The following MDGA2 variants were observed in gnomAD, a reference collection of about 807,000 sequenced individuals.
The protein encoded by MDGA2 is MAM domain-containing glycosylphosphatidylinositol anchor protein 2.
A neutral mutation model predicts 117.8 loss-of-function variants in MDGA2; 40 were observed. The observed-to-expected ratio is 0.34, with a 90% CI of 0.26 to 0.44. The LOEUF (loss-of-function observed/expected upper bound fraction) is 0.44. Ranked by LOEUF, MDGA2 falls within the 20% of genes least tolerant of loss-of-function variation. The pLI, the probability that MDGA2 is intolerant of heterozygous loss-of-function variation, is 1.00. For synonymous variants in MDGA2, 452 were observed against 439.0 expected, an observed-to-expected ratio of 1.03 and a Z score of -0.37; for missense variants, 1,123 against 1,250.6, an observed-to-expected ratio of 0.90 and a Z score of 1.54.
chr14:47,533,531 GTCTCTTTC>G (rs1895144920), intron 1 of MDGA2, among the ~76,000 whole-genome samples: 1 of 152,176 alleles, frequency 6.6e-6, no homozygotes, highest in Non-Finnish European at 1.5e-5. Flanking sequence ...AGGAGATGAT[GTCTCTTTC>G]CACACGTATT....
intron 14 of MDGA2, among the ~76,000 whole-genome samples, chr14:46,867,058 C>A (rs1168681597): frequency 1.3e-5 from 2 of 152,050 alleles, no homozygotes; most frequent in African/African-American, 4.8e-5. Context: ...ACTCAAAGGA[C>A]TATAAATCAT....
At chr14:47,558,473 G>A (rs572479112) in intron 1 of MDGA2, among the ~76,000 whole-genome samples, 2 of 152,270 alleles carry the variant, frequency 1.3e-5, no homozygotes, top group East Asian at 3.9e-4. Flanking sequence ...CTCAACAAAT[G>A]AAGAACAACA....
chr14:47,046,980 G>A (rs1239920684), intron 7 of MDGA2, among the ~76,000 whole-genome samples: 1 of 152,104 alleles, frequency 6.6e-6, no homozygotes, highest in Non-Finnish European at 1.5e-5. Flanking sequence ...TGTACCCAAT[G>A]TTAGAGATAA....
chr14:46,908,553 G>A (rs1036559730), intron 10 of MDGA2, among the ~76,000 whole-genome samples: 8 of 152,168 alleles, frequency 5.3e-5, no homozygotes, highest in African/African-American at 1.4e-4. Context: ...GTTCTTATTC[G>A]TCAAGAGTTT....
intron 2 of MDGA2, among the ~76,000 whole-genome samples, chr14:47,289,822 C>A (rs966023207): frequency 1.3e-5 from 2 of 151,978 alleles, no homozygotes; most frequent in African/African-American, 4.8e-5. Flanking sequence ...CATTAAAATA[C>A]ATAGATTTCA....
intron 1 of MDGA2, among the ~76,000 whole-genome samples, chr14:47,605,012 G>C (rs1047859007): frequency 9.9e-5 from 15 of 152,120 alleles, no homozygotes; most frequent in Middle Eastern, 3.4e-3. Context: ...TGGTTGGGGG[G>C]GGTGTATGCT....
intron 5 of MDGA2, among the ~76,000 whole-genome samples, chr14:47,119,132 G>T (rs1387908531): frequency 8.3e-6 from 1 of 121,122 alleles, no homozygotes; most frequent in Non-Finnish European, 1.6e-5. Context: ...CTCACCGCAA[G>T]CTCCGCCTCC....
chr14:46,955,996 A>G (rs764251966), intron 9 of MDGA2, among the ~76,000 whole-genome samples: 2 of 152,054 alleles, frequency 1.3e-5, no homozygotes, highest in Non-Finnish European at 2.9e-5. Flanking sequence ...TGTTTTAGTA[A>G]ATGAACTAAT....
intron 3 of MDGA2, among the ~76,000 whole-genome samples, chr14:47,191,167 T>C (rs1478211271): frequency 1.3e-5 from 2 of 151,960 alleles, no homozygotes; most frequent in East Asian, 3.9e-4. Context: ...TACACAAGTA[T>C]GTGTCTATTT....
intron 3 of MDGA2, among the ~76,000 whole-genome samples, chr14:47,150,298 CTGTT>C (rs1883111527): frequency 6.6e-6 from 1 of 152,196 alleles, no homozygotes; most frequent in African/African-American, 2.4e-5. Flanking sequence ...TCTTGAAATT[CTGTT>C]ATACTTTTAA....
intron 1 of MDGA2, among the ~76,000 whole-genome samples, chr14:47,461,382 C>T (rs1443243132): frequency 6.6e-6 from 1 of 151,516 alleles, no homozygotes; most frequent in Non-Finnish European, 1.5e-5. Context: ...AAACTTGTTA[C>T]TCAAAATAGA....
At chr14:46,912,754 G>T (rs1883754212) in intron 10 of MDGA2, among the ~76,000 whole-genome samples, 3 of 152,064 alleles carry the variant, frequency 2.0e-5, no homozygotes, top group Admixed American at 2.0e-4. Flanking sequence ...CCAAGACAAG[G>T]TACCCTTATT....
chr14:47,561,163 G>T (rs2416092), intron 1 of MDGA2, among the ~76,000 whole-genome samples: 48,951 of 79,508 alleles, frequency 0.62, 15,298 homozygotes, highest in East Asian at 0.94. Flanking sequence ...GTTTTGTTTT[G>T]TTTTTTTGTT....
chr14:47,599,718 A>T (rs1214911725), intron 1 of MDGA2, among the ~76,000 whole-genome samples: 2 of 152,162 alleles, frequency 1.3e-5, no homozygotes, highest in Non-Finnish European at 2.9e-5. Context: ...AATAAGGACA[A>T]GAGCATGTAA....
intron 1 of MDGA2, among the ~76,000 whole-genome samples, chr14:47,534,442 T>C (rs1316780343): frequency 6.6e-6 from 1 of 152,174 alleles, no homozygotes. Flanking sequence ...CTCACAGTTC[T>C]GGATGGCTGA....
intron 8 of MDGA2, among the ~76,000 whole-genome samples, chr14:47,033,219 A>C (rs1169360159): frequency 6.6e-6 from 1 of 152,206 alleles, no homozygotes; most frequent in Non-Finnish European, 1.5e-5. Flanking sequence ...AAATTTAGTT[A>C]ATCAATAGAA....
At chr14:47,343,929 A>G (rs1367251899) in intron 1 of MDGA2, among the ~76,000 whole-genome samples, 1 of 152,168 alleles carries the variant, frequency 6.6e-6, no homozygotes, top group Non-Finnish European at 1.5e-5. Flanking sequence ...CAACAACGGA[A>G]TCTACTACTT....
At chr14:47,335,734 T>TTTTATATATATATATATATATATATATA (rs1255206359) in intron 1 of MDGA2, among the ~76,000 whole-genome samples, 5 of 48,048 alleles carry the variant, frequency 1.0e-4, no homozygotes, top group Admixed American at 4.8e-4. Context: ...CACATATATT[T>TTTTATATATATATATATATATATATATA]TATATATATA....
At position 47,106,702 on chromosome 14, in the gene MDGA2, G is replaced by A. The variant is rs553593659; in HGVS notation, c.926-9579C>T. ...GGAAGCCCCCTAGACCATCACAGACGCCGAGCTTCCGGTAACTCTCACAGT... is the reference window on the plus strand; with the variant it reads ...GGAAGCCCCCTAGACCATCACAGACACCGAGCTTCCGGTAACTCTCACAGT... On this transcript the variant is annotated intron_variant, in intron 5 of 16. Coordinates refer to ENST00000399232, the MANE Select transcript of MDGA2 (RefSeq NM_001113498.3). 1.1e-3 allele frequency among the ~76,000 whole-genome samples: 163 copies of A among 151,844 alleles called. 3 individuals are homozygous for A. The South Asian group carries it at 0.011, about 10-fold the overall frequency.
Sources: gnomAD v4.1 joint callset for allele counts (sites outside exome capture counted in the v4.1 genomes callset) on GRCh38, gnomAD v4.1.1 for gene constraint, MANE v1.5 for transcripts, NCBI Gene and HGNC (gene_info 2026-07-23, HGNC 2026-07-21) for gene names.